The following RALYL variants were observed in gnomAD, a reference collection of about 807,000 sequenced individuals.
The protein encoded by RALYL is RNA-binding Raly-like protein.
A neutral mutation model predicts 35.1 loss-of-function variants in RALYL; 29 were observed. The ratio of observed to expected loss-of-function variants is 0.83; its 90% CI spans 0.61 to 1.13. The LOEUF (loss-of-function observed/expected upper bound fraction) is 1.13. Ranked by LOEUF, RALYL falls within the 50% of genes most tolerant of loss-of-function variation. RALYL has a pLI of 0.00. For missense variants in RALYL, 359 were observed against 360.4 expected (o/e 1.00, Z 0.03); for synonymous variants, 120 against 127.6 (o/e 0.94, Z 0.40).
intron 2 of RALYL, among the ~76,000 whole-genome samples, chr8:84,668,523 G>A (rs1274102463): frequency 6.6e-6 from 1 of 152,050 alleles, no homozygotes; most frequent in African/African-American, 2.4e-5. Context: ...GTGCCTGGGT[G>A]GAAGTTCCAA....
At chr8:84,379,559 G>A (rs533678123) in intron 1 of RALYL, among the ~76,000 whole-genome samples, 2 of 151,884 alleles carry the variant, frequency 1.3e-5, no homozygotes, top group South Asian at 4.2e-4. Context: ...AAAGATGATA[G>A]CATATAAAAC....
intron 8 of RALYL, among the ~76,000 whole-genome samples, chr8:84,915,702 C>T (rs932980359): frequency 6.6e-6 from 1 of 152,092 alleles, no homozygotes; most frequent in African/African-American, 2.4e-5. Context: ...AGCTTCACCA[C>T]TGAACCACTC....
At chr8:84,644,181 C>T (rs185800226) in intron 2 of RALYL, among the ~76,000 whole-genome samples, 530 of 151,988 alleles carry the variant, frequency 3.5e-3, no homozygotes, top group African/African-American at 0.012. Flanking sequence ...CCACAATATG[C>T]TTAAGGGTTA....
At chr8:84,670,412 C>CA (rs1832977313) in intron 2 of RALYL, among the ~76,000 whole-genome samples, 1 of 149,450 alleles carries the variant, frequency 6.7e-6, no homozygotes, top group Non-Finnish European at 1.5e-5. Flanking sequence ...TGATCTCCCC[C>CA]AAACAAAGTG....
intron 2 of RALYL, among the ~76,000 whole-genome samples, chr8:84,645,039 T>A (rs193024927): frequency 6.6e-6 from 1 of 151,976 alleles, no homozygotes; most frequent in African/African-American, 2.4e-5. Context: ...CATAAGCCAC[T>A]GCACCTGGCC....
chr8:84,628,431 C>T (rs1330416395), intron 2 of RALYL, among the ~76,000 whole-genome samples: 1 of 152,094 alleles, frequency 6.6e-6, no homozygotes, highest in Non-Finnish European at 1.5e-5. Context: ...CATTTATTTG[C>T]TTGTCTATTT....
chr8:84,340,670 C>T lies in RALYL; in HGVS notation c.-24+156246C>T, dbSNP rs187835034. ...CACTATTCAAGTCACTATTTTAAGA[C>T]GAAAAAATCAATTGCTTGTATATAA... On this transcript the variant is annotated intron_variant, in intron 1 of 8. Coordinates refer to ENST00000521268, the MANE Select transcript of RALYL (RefSeq NM_173848.7). Among the ~76,000 whole-genome samples the T allele has an allele frequency of 1.6e-3, 249 of 151,946 alleles. 1 individual carries two copies. The highest frequency in any genetic ancestry group is 3.4e-3 in the Middle Eastern group (1 of 294).
intron 1 of RALYL, among the ~76,000 whole-genome samples, chr8:84,473,629 A>T (rs1264884805): frequency 6.6e-6 from 1 of 151,866 alleles, no homozygotes; most frequent in Admixed American, 6.6e-5. Flanking sequence ...AACAATATAC[A>T]GCATTGTATG....
chr8:84,630,644 G>C (rs1192496928), intron 2 of RALYL, among the ~76,000 whole-genome samples: 1 of 151,936 alleles, frequency 6.6e-6, no homozygotes, highest in Non-Finnish European at 1.5e-5. Context: ...AAATGAAGTT[G>C]ATTTGAGAAA....
intron 2 of RALYL, among the ~76,000 whole-genome samples, chr8:84,753,364 T>C (rs1810542825): frequency 6.6e-6 from 1 of 152,198 alleles, no homozygotes; most frequent in South Asian, 2.1e-4. Context: ...GATAAGACTT[T>C]GGACCTTGGA....
In RALYL at chr8:84,469,673, C is replaced by G. The variant is rs547164119; in HGVS notation, c.-23-59626C>G. ...GAGCTGTGGTGGGCTCCACCCAGTT[C>G]GAGCTTCCCAGCTGCTTTGTTTACC... On this transcript the variant is annotated intron_variant, in intron 1 of 8. Coordinates refer to ENST00000521268, the MANE Select transcript of RALYL (RefSeq NM_173848.7). 1.2e-4 allele frequency among the ~76,000 whole-genome samples: 18 copies of G among 152,334 alleles called. No individual in the cohort carries two copies. The South Asian group carries it at 2.1e-3, about 18-fold the overall frequency.
At chr8:84,814,453 A>C (rs1176005167) in intron 4 of RALYL, among the ~76,000 whole-genome samples, 1 of 152,128 alleles carries the variant, frequency 6.6e-6, no homozygotes, top group Non-Finnish European at 1.5e-5. Flanking sequence ...TTTAATGATG[A>C]ATACTAGTAA....
At chr8:84,235,566 T>C (rs1826331204) in intron 1 of RALYL, among the ~76,000 whole-genome samples, 3 of 152,184 alleles carry the variant, frequency 2.0e-5, no homozygotes, top group East Asian at 3.9e-4. Context: ...GTAAGTTATA[T>C]AAATCATAGA....
chr8:84,603,509 G>A (rs947477067), intron 2 of RALYL, among the ~76,000 whole-genome samples: 1 of 151,920 alleles, frequency 6.6e-6, no homozygotes, highest in Non-Finnish European at 1.5e-5. Context: ...AGGAGAGTGG[G>A]AAAAAGGCCT....
rs77337828 is a variant in RALYL, at chr8:84,397,075, G to A, written c.-23-132224G>A. Among the ~76,000 whole-genome samples, 813 of 152,216 alleles carry A rather than the reference G, an allele frequency of 5.3e-3. 11 individuals are homozygous for A. The highest frequency in any genetic ancestry group is 0.018 in the African/African-American group (760 of 41,518). Reference sequence around the variant, plus strand: ...CAATGTAATTATACAGTCCTAGTAAGAGGCAAGCCAGAGGATCAAAGACAG... The same window carrying A: ...CAATGTAATTATACAGTCCTAGTAAAAGGCAAGCCAGAGGATCAAAGACAG... On this transcript the variant is annotated intron_variant, in intron 1 of 8. Transcript: ENST00000521268.
intron 1 of RALYL, among the ~76,000 whole-genome samples, chr8:84,265,970 C>G (rs1833216220): frequency 6.6e-6 from 1 of 152,144 alleles, no homozygotes; most frequent in African/African-American, 2.4e-5. Context: ...AGTACATGAG[C>G]CTCCTTTTAA....
At chr8:84,449,715 A>G (rs925569502) in intron 1 of RALYL, among the ~76,000 whole-genome samples, 11 of 151,970 alleles carry the variant, frequency 7.2e-5, no homozygotes, top group African/African-American at 1.9e-4. Context: ...TTAAATTTTT[A>G]TATTTTACCT....
At chr8:84,330,665 G>A (rs569533280) in intron 1 of RALYL, among the ~76,000 whole-genome samples, 1 of 151,850 alleles carries the variant, frequency 6.6e-6, no homozygotes, top group African/African-American at 2.4e-5. Flanking sequence ...ATCTTTGAAG[G>A]CCTGTTATCC....
chr8:84,705,631 T>G (rs1341343452), intron 2 of RALYL, among the ~76,000 whole-genome samples: 1 of 152,176 alleles, frequency 6.6e-6, no homozygotes, highest in Non-Finnish European at 1.5e-5. Context: ...GAACCTAATT[T>G]TTAATTTATA....
Sources: allele counts gnomAD v4.1 joint callset (sites outside exome capture counted in the v4.1 genomes callset), GRCh38; gene constraint gnomAD v4.1.1; transcripts MANE v1.5; gene names NCBI Gene and HGNC (gene_info 2026-07-23, HGNC 2026-07-21).